FOXP1: variants seen among roughly 807,000 people sequenced by gnomAD.
The protein encoded by FOXP1 is forkhead box P1, also known as forkhead box protein P1.
Under a neutral mutation model 98.2 loss-of-function variants are expected in FOXP1, and 15 were observed. That is an observed-to-expected ratio of 0.15 (90% confidence interval 0.10 to 0.24). The LOEUF (loss-of-function observed/expected upper bound fraction) is 0.24. Among genes scored for constraint, FOXP1 ranks in the 10% least tolerant of loss-of-function variants. FOXP1 has a pLI of 1.00. For missense variants in FOXP1, 633 were observed against 848.5 expected (o/e 0.75, Z 3.15); for synonymous variants, 371 against 314.5 (o/e 1.18, Z -1.90).
chr3:71,053,349 GTAAACC>G (rs1007252727), intron 8 of FOXP1, among the ~76,000 whole-genome samples: 2 of 152,306 alleles, frequency 1.3e-5, no homozygotes, highest in Admixed American at 1.3e-4. Flanking sequence ...TAGGAGCCAT[GTAAACC>G]TAAAAGATCT....
chr3:71,214,877 C>G (rs1006762712), intron 5 of FOXP1, among the ~76,000 whole-genome samples: 2 of 152,186 alleles, frequency 1.3e-5, no homozygotes, highest in Non-Finnish European at 2.9e-5. Flanking sequence ...TGTCTCATGA[C>G]AAGGGTTTCC....
chr3:71,579,038 G>T (rs1030472826), intron 2 of FOXP1, among the ~76,000 whole-genome samples: 1 of 152,130 alleles, frequency 6.6e-6, no homozygotes, highest in African/African-American at 2.4e-5. Flanking sequence ...GAAACATGTT[G>T]TGCACCATGG....
intron 6 of FOXP1, among the ~76,000 whole-genome samples, chr3:71,192,138 T>C (rs2063018168): frequency 6.6e-6 from 1 of 152,196 alleles, no homozygotes; most frequent in Non-Finnish European, 1.5e-5. Flanking sequence ...CCTGTCAGCA[T>C]CAAGAGACCC....
intron 4 of FOXP1, among the ~76,000 whole-genome samples, chr3:71,318,984 T>C (rs2075242191): frequency 6.6e-6 from 1 of 152,180 alleles, no homozygotes. Context: ...AGGACATTCA[T>C]AAACAGAATA....
At chr3:71,549,444 G>A (rs554442297) in intron 2 of FOXP1, among the ~76,000 whole-genome samples, 7 of 152,168 alleles carry the variant, frequency 4.6e-5, no homozygotes, top group South Asian at 2.1e-4. Flanking sequence ...GCACAATCTC[G>A]GCTCACTGCA....
chr3:71,565,643 G>C (rs149491712), intron 2 of FOXP1, among the ~76,000 whole-genome samples: 1 of 152,188 alleles, frequency 6.6e-6, no homozygotes, highest in Non-Finnish European at 1.5e-5. Context: ...ACTAAAAGCC[G>C]TATTTGTTGC....
At chr3:71,180,070 A>C (rs2062192919) in intron 6 of FOXP1, among the ~76,000 whole-genome samples, 1 of 152,164 alleles carries the variant, frequency 6.6e-6, no homozygotes, top group South Asian at 2.1e-4. Flanking sequence ...TAATTATGCC[A>C]TAGTCTCTCT....
Position 70,957,618 on chromosome 3 carries a change from T to C in FOXP1, c.*1629A>G, listed in dbSNP as rs984969200. 1 of 232,736 alleles carries C rather than the reference T, an allele frequency of 4.3e-6. No homozygotes were observed. Among genetic ancestry groups the C allele is most frequent in the Non-Finnish European group, 8.5e-6 (1 of 117,682 alleles). 14.4% of individuals were successfully genotyped at this position (232,736 alleles called of 1,614,324 possible). On this transcript the variant is annotated 3_prime_UTR_variant, in exon 21 of 21. Transcript: ENST00000649528. ...CCTATATAAATAAATGACAGGAAAG[T>C]GGGTGCAGAGCTGAAGTGTGGAGGG...
chr3:71,381,284 G>A (rs1362328788), intron 3 of FOXP1, among the ~76,000 whole-genome samples: 2 of 151,636 alleles, frequency 1.3e-5, no homozygotes, highest in African/African-American at 4.8e-5. Flanking sequence ...CCCAGTAGCT[G>A]GAACTACAGG....
chr3:71,166,285 G>T lies in FOXP1; in HGVS notation c.180+31917C>A, dbSNP rs182043930. 1.6e-4 allele frequency among the ~76,000 whole-genome samples: 24 copies of T among 152,260 alleles called. No individual in the cohort carries two copies. The East Asian group carries it at 3.7e-3, about 23-fold the overall frequency. ...GTACATGAGAGGAACACAAGCAAGTGGGGGGTGACAAGAGCCGCTAGCGTG... is the reference window on the plus strand; with the variant it reads ...GTACATGAGAGGAACACAAGCAAGTTGGGGGTGACAAGAGCCGCTAGCGTG... On this transcript the variant is annotated intron_variant, in intron 6 of 20. Coordinates refer to ENST00000649528, the MANE Select transcript of FOXP1 (RefSeq NM_001349338.3).
intron 9 of FOXP1, among the ~76,000 whole-genome samples, chr3:71,050,490 T>G (rs1271933013): frequency 2.6e-5 from 4 of 152,224 alleles, no homozygotes; most frequent in Non-Finnish European, 5.9e-5. Flanking sequence ...TTGATGCCTT[T>G]GAAAAGAAAG....
At chr3:71,372,004 C>G (rs2079361917) in intron 3 of FOXP1, among the ~76,000 whole-genome samples, 2 of 151,478 alleles carry the variant, frequency 1.3e-5, no homozygotes, top group African/African-American at 4.9e-5. Flanking sequence ...ATTCTTTCGT[C>G]TTTTCTTTCT....
chr3:71,223,522 A>C (rs951881198), intron 5 of FOXP1, among the ~76,000 whole-genome samples: 32 of 151,946 alleles, frequency 2.1e-4, no homozygotes, highest in African/African-American at 4.4e-4. Context: ...GATGAAACCC[A>C]GTCTCTACTA....
chr3:71,161,133 G>A (rs2108140315), intron 6 of FOXP1, among the ~76,000 whole-genome samples: 1 of 152,340 alleles, frequency 6.6e-6, no homozygotes, highest in South Asian at 2.1e-4. Context: ...AGAATGGGAG[G>A]ATAAATTGAG....
chr3:71,431,230 G>A (rs1001262373), intron 3 of FOXP1, among the ~76,000 whole-genome samples: 1 of 152,122 alleles, frequency 6.6e-6, no homozygotes, highest in African/African-American at 2.4e-5. Flanking sequence ...GAGTTCAGTG[G>A]CCGTTCTCTG....
At chr3:71,326,400 A>C (rs2075693345) in intron 4 of FOXP1, among the ~76,000 whole-genome samples, 1 of 152,220 alleles carries the variant, frequency 6.6e-6, no homozygotes, top group Non-Finnish European at 1.5e-5. Context: ...TAATCATCGT[A>C]ATAAAGCTCC....
chr3:71,398,977 A>T (rs1333418345), intron 3 of FOXP1, among the ~76,000 whole-genome samples: 1 of 152,220 alleles, frequency 6.6e-6, no homozygotes, highest in Non-Finnish European at 1.5e-5. Flanking sequence ...TATGAACTAT[A>T]CAGCTATTTT....
chr3:70,972,300 C>CA (rs2036438415), intron 18 of FOXP1: 2 of 1,029,400 alleles, frequency 1.9e-6, no homozygotes, highest in South Asian at 1.7e-5. Flanking sequence ...TAAGCATAAG[C>CA]AAATGGTTTG....
intron 6 of FOXP1, among the ~76,000 whole-genome samples, chr3:71,158,314 C>G (rs539078387): frequency 2.6e-5 from 4 of 152,030 alleles, no homozygotes; most frequent in African/African-American, 9.7e-5. Flanking sequence ...ACTGCAGAGC[C>G]TGAGCTTGTT....
Sources: gnomAD v4.1 joint callset for allele counts (sites outside exome capture counted in the v4.1 genomes callset) on GRCh38, gnomAD v4.1.1 for gene constraint, MANE v1.5 for transcripts, NCBI Gene and HGNC (gene_info 2026-07-23, HGNC 2026-07-21) for gene names.